The following PPP1R9A variants were observed in gnomAD, a reference collection of about 807,000 sequenced individuals.
PPP1R9A encodes the protein neurabin-1.
Under a neutral mutation model 141.9 loss-of-function variants are expected in PPP1R9A, and 59 were observed. The ratio of observed to expected loss-of-function variants is 0.42; its 90% CI spans 0.34 to 0.52. The LOEUF (loss-of-function observed/expected upper bound fraction) is 0.52, where lower values mean the gene tolerates loss of function less well. Among genes scored for constraint, PPP1R9A ranks in the 20% least tolerant of loss-of-function variants. The pLI is 0.10. For missense variants in PPP1R9A, 1,444 were observed against 1,611.9 expected (o/e 0.90, Z 1.78); for synonymous variants, 500 against 569.7 (o/e 0.88, Z 1.74).
chr7:95,211,372 T>C (rs150498383), intron 7 of PPP1R9A, among the ~76,000 whole-genome samples: 97 of 152,272 alleles, frequency 6.4e-4, no homozygotes, highest in Non-Finnish European at 5.9e-4. Context: ...TAAAACTTTG[T>C]CTCTCTGCCT....
At chr7:95,175,256 T>TTGAA (rs1554542406) in intron 5 of PPP1R9A, among the ~76,000 whole-genome samples, 1 of 146,606 alleles carries the variant, frequency 6.8e-6, no homozygotes, top group Non-Finnish European at 1.5e-5. Flanking sequence ...CAATAACTAG[T>TTGAA]TGGATGGATG....
chr7:94,924,969 A>G (rs1793289646), intron 2 of PPP1R9A, among the ~76,000 whole-genome samples: 1 of 152,186 alleles, frequency 6.6e-6, no homozygotes, highest in African/African-American at 2.4e-5. Flanking sequence ...TTGATATGAA[A>G]TATTTCTGAA....
At chr7:94,998,993 G>T (rs1444176622) in intron 2 of PPP1R9A, among the ~76,000 whole-genome samples, 1 of 152,198 alleles carries the variant, frequency 6.6e-6, no homozygotes, top group African/African-American at 2.4e-5. Context: ...GGGCTCAAGT[G>T]ATTCTCCCCG....
At chr7:95,204,782 CCACA>C (rs1017475779) in intron 7 of PPP1R9A, among the ~76,000 whole-genome samples, 2 of 142,894 alleles carry the variant, frequency 1.4e-5, no homozygotes, top group East Asian at 2.1e-4. Context: ...CACACACACA[CCACA>C]CACACACCAC....
intron 2 of PPP1R9A, among the ~76,000 whole-genome samples, chr7:94,998,429 A>G (rs1237469236): frequency 6.6e-6 from 1 of 152,196 alleles, no homozygotes; most frequent in Non-Finnish European, 1.5e-5. Context: ...TGTCTGGCTT[A>G]TATGAGTTTT....
At chr7:95,156,277 G>T (rs1011005354) in intron 4 of PPP1R9A, 1 of 152,314 alleles carries the variant, frequency 6.6e-6, no homozygotes. Context: ...TTCCCCAGCT[G>T]GCACCGGGAA....
intron 2 of PPP1R9A, among the ~76,000 whole-genome samples, chr7:95,070,776 G>A (rs562457614): frequency 6.6e-6 from 1 of 151,634 alleles, no homozygotes; most frequent in East Asian, 1.9e-4. Flanking sequence ...CCATTTTAGA[G>A]TCATTATCTA....
At chr7:95,239,885 C>G in intron 8 of PPP1R9A, among the ~76,000 whole-genome samples, 1 of 147,848 alleles carries the variant, frequency 6.8e-6, no homozygotes, top group Admixed American at 6.8e-5. Flanking sequence ...TTTTGATACA[C>G]TCTTGGGTTC....
At chr7:95,103,391 C>G (rs1253299395) in intron 2 of PPP1R9A, among the ~76,000 whole-genome samples, 1 of 46,124 alleles carries the variant, frequency 2.2e-5, no homozygotes, top group Admixed American at 2.1e-4. Flanking sequence ...GAGACAGTCT[C>G]GCTCTGTTGC....
intron 12 of PPP1R9A, among the ~76,000 whole-genome samples, chr7:95,255,070 T>C (rs1799394848): frequency 6.6e-6 from 1 of 152,120 alleles, no homozygotes; most frequent in Admixed American, 6.6e-5. Context: ...TTCTAGTTTA[T>C]ATCAATGTGC....
intron 19 of PPP1R9A, 45 bp from the exon 20 acceptor site, chr7:95,290,037 ATCAGAGGGC>A: frequency 8.1e-6 from 13 of 1,601,348 alleles, no homozygotes; most frequent in Non-Finnish European, 1.1e-5. Flanking sequence ...TGTTAACACC[ATCAGAGGGC>A]TCATTGGTTT....
chr7:95,143,738 A>G (rs910397372), intron 4 of PPP1R9A, among the ~76,000 whole-genome samples: 2 of 152,166 alleles, frequency 1.3e-5, no homozygotes, highest in African/African-American at 4.8e-5. Context: ...CTTCCTGGGC[A>G]TTATTATCTA....
intron 16 of PPP1R9A, among the ~76,000 whole-genome samples, chr7:95,282,862 C>T (rs1379020670): frequency 6.6e-6 from 1 of 152,164 alleles, no homozygotes; most frequent in African/African-American, 2.4e-5. Context: ...AGTCGATCCT[C>T]ACAATAATAT....
intron 5 of PPP1R9A, among the ~76,000 whole-genome samples, chr7:95,163,776 G>C (rs1830773667): frequency 6.6e-6 from 1 of 152,034 alleles, no homozygotes; most frequent in African/African-American, 2.4e-5. Context: ...GTCTTGCTCT[G>C]TCACCCAGGC....
chr7:94,972,207 T>C (rs1014182754), intron 2 of PPP1R9A, among the ~76,000 whole-genome samples: 12 of 152,232 alleles, frequency 7.9e-5, no homozygotes, highest in African/African-American at 2.9e-4. Flanking sequence ...ACTGGTCTTT[T>C]GTACTGTGTA....
At chr7:95,147,347 T>C (rs191626471) in intron 4 of PPP1R9A, among the ~76,000 whole-genome samples, 1 of 152,356 alleles carries the variant, frequency 6.6e-6, no homozygotes, top group East Asian at 1.9e-4. Flanking sequence ...ATTGATTTTG[T>C]ATCCTGAGAC....
At chr7:95,284,919 T>C (rs1044364858) in intron 17 of PPP1R9A, among the ~76,000 whole-genome samples, 8 of 152,246 alleles carry the variant, frequency 5.3e-5, no homozygotes, top group African/African-American at 1.9e-4. Flanking sequence ...CTTTTATCTG[T>C]GTTCGCTTTT....
At position 95,072,013 on chromosome 7, in the gene PPP1R9A, C is replaced by T. The variant is rs577489819; in HGVS notation, c.1396-39246C>T. Among the ~76,000 whole-genome samples the T allele has an allele frequency of 9.3e-5, 14 of 151,344 alleles. No homozygotes were observed. In the East Asian group the frequency reaches 2.7e-3, roughly 29 times the overall value. ...TTCTGTGGTATAATTTTAATGGCTG[C>T]TTACTGTTATATTACATAAGTGAAC... On this transcript the variant is annotated intron_variant, in intron 2 of 19. Coordinates refer to ENST00000433360, the MANE Select transcript of PPP1R9A (RefSeq NM_001166160.2).
At chr7:94,958,323 T>C (rs933930344) in intron 2 of PPP1R9A, among the ~76,000 whole-genome samples, 2 of 152,054 alleles carry the variant, frequency 1.3e-5, no homozygotes, top group East Asian at 3.9e-4. Context: ...TTCCAGAGTG[T>C]AACTTATCAT....
Sources: allele counts gnomAD v4.1 joint callset (sites outside exome capture counted in the v4.1 genomes callset), GRCh38; gene constraint gnomAD v4.1.1; transcripts MANE v1.5; gene names NCBI Gene and HGNC (gene_info 2026-07-23, HGNC 2026-07-21).